Variants in PLEKHG1 observed in about 807,000 individuals in gnomAD.
PLEKHG1 encodes pleckstrin homology domain-containing family G member 1.
A neutral mutation model predicts 100.8 loss-of-function variants in PLEKHG1; 44 were observed. That is an observed-to-expected ratio of 0.44 (90% CI 0.34 to 0.56). PLEKHG1 has a LOEUF of 0.56. Among genes scored for constraint, PLEKHG1 ranks in the 20% least tolerant of loss-of-function variants. The pLI, the probability that PLEKHG1 is intolerant of heterozygous loss-of-function variation, is 0.01. For missense variants in PLEKHG1, 1,545 were observed against 1,720.9 expected (o/e 0.90, Z 1.81); for synonymous variants, 640 against 662.5 (o/e 0.97, Z 0.52).
At chr6:150,750,798 A>AAAAAAAAAAAAAC (rs1783471386) in intron 2 of PLEKHG1, among the ~76,000 whole-genome samples, 1 of 150,322 alleles carries the variant, frequency 6.7e-6, no homozygotes, top group African/African-American at 2.4e-5. Flanking sequence ...AAAAAAAAAA[A>AAAAAAAAAAAAAC]AAAAAGGCGG....
chr6:150,754,904 A>C (rs1362713725), intron 2 of PLEKHG1, among the ~76,000 whole-genome samples: 1 of 152,132 alleles, frequency 6.6e-6, no homozygotes, highest in Non-Finnish European at 1.5e-5. Flanking sequence ...TCCCGACCTC[A>C]GGTGATCCAC....
chr6:150,747,177 C>T (rs983387215), intron 2 of PLEKHG1, among the ~76,000 whole-genome samples: 1 of 152,198 alleles, frequency 6.6e-6, no homozygotes, highest in Non-Finnish European at 1.5e-5. Flanking sequence ...TTCAATTATA[C>T]TGAGTGGGTA....
At chr6:150,650,554 A>T (rs1400408619) in intron 2 of PLEKHG1, among the ~76,000 whole-genome samples, 174 bp from the exon 2 acceptor site, 1 of 152,264 alleles carries the variant, frequency 6.6e-6, no homozygotes. Context: ...TAGGCCTATT[A>T]CAGTCCAGTA....
chr6:150,833,629 A>G (rs1777078685), intron 15 of PLEKHG1, among the ~76,000 whole-genome samples: 1 of 152,222 alleles, frequency 6.6e-6, no homozygotes. Flanking sequence ...GTCCAAAGGT[A>G]GTGGCTCTTG....
chr6:150,806,088 G>C (rs1217352080), intron 7 of PLEKHG1, among the ~76,000 whole-genome samples: 2 of 151,968 alleles, frequency 1.3e-5, no homozygotes, highest in African/African-American at 4.8e-5. Flanking sequence ...TGCCTAACTC[G>C]GGAAAAAAGA....
intron 3 of PLEKHG1, among the ~76,000 whole-genome samples, chr6:150,673,262 A>G (rs1779635954): frequency 6.6e-6 from 1 of 152,206 alleles, no homozygotes; most frequent in African/African-American, 2.4e-5. Flanking sequence ...CTTCTAATAA[A>G]AGATTTTTCT....
At position 150,683,745 on chromosome 6, in the gene PLEKHG1, A is replaced by G. The variant is rs767815698; in HGVS notation, c.-99+32959A>G. The stretch of plus-strand genomic sequence containing the variant: ...CCCTCTGCGCTAGTATCCAGGGCAT[A>G]GGACGTCTGAAGGAAAGATGGAGCC... On this transcript the variant is annotated intron_variant, in intron 3 of 3. Transcript: ENST00000367326. This position sits in a 1 kb window ranked among gnomAD's most constrained non-coding sequence, Gnocchi z 4.0. The G allele has an allele frequency of 1.6e-6, 2 of 1,274,158 alleles. No individual in the cohort carries two copies. Among genetic ancestry groups the G allele is most frequent in the South Asian group, 2.5e-5 (2 of 80,034 alleles). 78.9% of individuals were successfully genotyped at this position (1,274,158 alleles called of 1,614,324 possible).
At chr6:150,604,800 G>A (rs572849653) in intron 1 of PLEKHG1, among the ~76,000 whole-genome samples, 1 of 152,322 alleles carries the variant, frequency 6.6e-6, no homozygotes, top group East Asian at 1.9e-4. Flanking sequence ...GATGCTGAAT[G>A]GGGGAGAGAA....
chr6:150,682,854 G>A (rs927873934), intron 3 of PLEKHG1, among the ~76,000 whole-genome samples: 16 of 152,154 alleles, frequency 1.1e-4, no homozygotes, highest in Non-Finnish European at 1.9e-4. Flanking sequence ...GGCATATGCG[G>A]GTTAAAGAGA....
At chr6:150,696,684 A>AT (rs1293155006) in intron 3 of PLEKHG1, among the ~76,000 whole-genome samples, 1 of 152,120 alleles carries the variant, frequency 6.6e-6, no homozygotes, top group South Asian at 2.1e-4. Flanking sequence ...TTTACAAGTG[A>AT]TTTTTTTTAA....
intron 4 of PLEKHG1, among the ~76,000 whole-genome samples, chr6:150,792,325 T>C (rs1474973341): frequency 5.2e-4 from 67 of 128,492 alleles, no homozygotes; most frequent in East Asian, 7.1e-4. Flanking sequence ...CCACTGCACT[T>C]CAGCCTGGGT....
chr6:150,679,076 T>A (rs2128588389), intron 3 of PLEKHG1, among the ~76,000 whole-genome samples: 1 of 152,300 alleles, frequency 6.6e-6, no homozygotes, highest in East Asian at 1.9e-4. Context: ...CTTATTAAAT[T>A]GTGTGTGTGA....
At chr6:150,783,741 GC>G (rs1442999451) in intron 3 of PLEKHG1, among the ~76,000 whole-genome samples, 1 of 152,066 alleles carries the variant, frequency 6.6e-6, no homozygotes, top group African/African-American at 2.4e-5. Context: ...GACTGAAAAA[GC>G]TTTTTTGTTT....
chr6:150,651,751 C>T (rs927565825), intron 3 of PLEKHG1: 7 of 151,844 alleles, frequency 4.6e-5, no homozygotes, highest in African/African-American at 1.2e-4. Context: ...CCCAACTACT[C>T]GGGAGGCTGA....
chr6:150,636,578 A>G (rs1778009198), intron 1 of PLEKHG1, among the ~76,000 whole-genome samples: 1 of 151,784 alleles, frequency 6.6e-6, no homozygotes, highest in Admixed American at 6.6e-5. Flanking sequence ...TGGACAGGAG[A>G]GCAGACCTTC....
chr6:150,723,109 G>A (rs752762793), intron 1 of PLEKHG1, among the ~76,000 whole-genome samples: 14 of 152,300 alleles, frequency 9.2e-5, no homozygotes, highest in East Asian at 1.9e-4. Context: ...CCGTGCAGTC[G>A]TGACAGCCAG....
At chr6:150,779,344 G>GTTAGTTTTT (rs1554272274) in intron 3 of PLEKHG1, among the ~76,000 whole-genome samples, 1 of 104,540 alleles carries the variant, frequency 9.6e-6, no homozygotes, top group African/African-American at 4.3e-5. Context: ...TTGTCAAGAA[G>GTTAGTTTTT]TTTTTTTTTT....
rs147763160 is a variant in PLEKHG1 at position 150,622,609 on chromosome 6, C to T, written c.-203-15471C>T. Among the ~76,000 whole-genome samples the T allele has an allele frequency of 2.3e-3, 357 of 152,300 alleles. 2 individuals carry two copies. The highest frequency in any genetic ancestry group is 7.5e-3 in the African/African-American group (313 of 41,534). The stretch of plus-strand genomic sequence containing the variant: ...GCCATTTCCACCCCTCACCAGCCTC[C>T]CCCTCCCAGTGTAGACAGAATTAGT... On this transcript the variant is annotated intron_variant, in intron 1 of 3. Transcript: ENST00000367326.
chr6:150,676,807 A>G (rs2128587525), intron 3 of PLEKHG1, among the ~76,000 whole-genome samples: 1 of 152,294 alleles, frequency 6.6e-6, no homozygotes, highest in East Asian at 1.9e-4. Context: ...TGAGTCACCC[A>G]CCACCCTATA....
Sources: gnomAD v4.1 joint callset for allele counts (sites outside exome capture counted in the v4.1 genomes callset) on GRCh38, gnomAD v4.1.1 for gene constraint, Gnocchi (gnomAD v3.1) non-coding constraint, MANE v1.5 for transcripts, NCBI Gene and HGNC (gene_info 2026-07-23, HGNC 2026-07-21) for gene names.